SYT14: variants seen among roughly 807,000 people sequenced by gnomAD.
The protein encoded by SYT14 is synaptotagmin 14.
SYT14 carries 32 observed loss-of-function variants against 74.2 expected under a neutral mutation model. The ratio of observed to expected loss-of-function variants is 0.43; its 90% CI spans 0.33 to 0.58. SYT14 has a LOEUF of 0.58. Ranked by LOEUF, SYT14 falls within the 20% of genes least tolerant of loss-of-function variation. The probability of loss-of-function intolerance (pLI) is 0.05; values close to 1 mark genes in which losing one functional copy is unlikely to be tolerated. For synonymous variants in SYT14, 298 were observed against 337.7 expected, an observed-to-expected ratio of 0.88 and a Z score of 1.29; for missense variants, 791 against 981.8, an observed-to-expected ratio of 0.81 and a Z score of 2.60.
chr1:210,133,830 C>A, intron 7 of SYT14, among the ~76,000 whole-genome samples: 1 of 136,582 alleles, frequency 7.3e-6, no homozygotes, highest in East Asian at 2.1e-4. Flanking sequence ...AGCTGATTAT[C>A]TTATTTACTC....
chr1:210,086,587 A>C (rs1020402454), intron 5 of SYT14, among the ~76,000 whole-genome samples: 4 of 152,180 alleles, frequency 2.6e-5, no homozygotes, highest in Non-Finnish European at 5.9e-5. Context: ...CTCACCCTGG[A>C]ATTAGCCATT....
chr1:210,093,741 G>A (rs1192768545), intron 5 of SYT14, among the ~76,000 whole-genome samples: 2 of 152,110 alleles, frequency 1.3e-5, no homozygotes, highest in South Asian at 2.1e-4. Context: ...ATGGATGTTC[G>A]CAAACAGGGA....
chr1:210,077,528 A>G (rs896410417), intron 5 of SYT14, among the ~76,000 whole-genome samples: 1 of 152,232 alleles, frequency 6.6e-6, no homozygotes, highest in Middle Eastern at 3.2e-3. Context: ...TTTGGCTACT[A>G]TATGAGTAAT....
intron 5 of SYT14, among the ~76,000 whole-genome samples, chr1:210,089,915 A>G (rs1215407068): frequency 6.6e-6 from 1 of 152,198 alleles, no homozygotes; most frequent in African/African-American, 2.4e-5. Flanking sequence ...TGGCTACAGA[A>G]TTTTCTGGGA....
chr1:209,966,128 G>A (rs969646645), intron 2 of SYT14: 7 of 339,336 alleles, frequency 2.1e-5, no homozygotes, highest in South Asian at 9.3e-5. Flanking sequence ...CCTCAACCTC[G>A]CAAAGTGCTG....
At chr1:209,996,678 C>G (rs1234721218) in intron 2 of SYT14, among the ~76,000 whole-genome samples, 1 of 152,058 alleles carries the variant, frequency 6.6e-6, no homozygotes, top group Non-Finnish European at 1.5e-5. Flanking sequence ...AGGCCAGTAT[C>G]CTGAACATAT....
intron 7 of SYT14, among the ~76,000 whole-genome samples, chr1:210,129,669 T>C (rs2082635596): frequency 6.6e-6 from 1 of 152,210 alleles, no homozygotes; most frequent in South Asian, 2.1e-4. Context: ...TTTTAATCAG[T>C]TTGATGCTGC....
intron 2 of SYT14, among the ~76,000 whole-genome samples, chr1:209,982,922 T>G (rs896216595): frequency 2.6e-5 from 4 of 152,236 alleles, no homozygotes; most frequent in African/African-American, 9.6e-5. Flanking sequence ...TCTGTTGTCT[T>G]AATTTGCATT....
chr1:210,152,884 GT>G lies in SYT14; in HGVS notation c.2035-2829del, dbSNP rs552822691. On this transcript the variant is annotated intron_variant, in intron 7 of 9. Coordinates refer to ENST00000637265, the Ensembl canonical transcript of SYT14. ...TTTGGGTTGTTTGATTTTTTTGTTT[GT>G]TTTTTTTACTTTACATAAATGGAAT... 1.0e-3 allele frequency among the ~76,000 whole-genome samples: 152 copies of G among 151,590 alleles called. No individual in the cohort carries two copies. In the Middle Eastern group the frequency reaches 0.01, roughly 10 times the overall value.
At chr1:210,128,838 C>CATA (rs1328844551) in intron 7 of SYT14, among the ~76,000 whole-genome samples, 2 of 152,162 alleles carry the variant, frequency 1.3e-5, no homozygotes, top group African/African-American at 4.8e-5. Flanking sequence ...ACCACTGATA[C>CATA]ATAAATTGTT....
intron 1 of SYT14, among the ~76,000 whole-genome samples, chr1:209,943,046 C>G (rs562100012): frequency 6.6e-6 from 1 of 152,120 alleles, no homozygotes; most frequent in East Asian, 1.9e-4. Flanking sequence ...TCTTTTGGCT[C>G]TAAGATTTCT....
At chr1:210,101,479 A>G (rs185160488) in intron 7 of SYT14, among the ~76,000 whole-genome samples, 227 of 152,266 alleles carry the variant, frequency 1.5e-3, no homozygotes, top group Admixed American at 4.1e-3. Context: ...ACACCATACC[A>G]GTTTAACTAA....
chr1:210,079,344 C>T (rs2081576310), intron 5 of SYT14, among the ~76,000 whole-genome samples: 1 of 151,858 alleles, frequency 6.6e-6, no homozygotes, highest in South Asian at 2.1e-4. Context: ...TAATTGTTAC[C>T]GTTATATCCA....
At chr1:210,061,712 T>C (rs1191399436) in intron 5 of SYT14, among the ~76,000 whole-genome samples, 1 of 151,942 alleles carries the variant, frequency 6.6e-6, no homozygotes, top group Non-Finnish European at 1.5e-5. Context: ...TAAATGAAAC[T>C]AACTTTACTG....
At chr1:210,154,406 C>A (rs2083228428) in intron 7 of SYT14, among the ~76,000 whole-genome samples, 1 of 152,124 alleles carries the variant, frequency 6.6e-6, no homozygotes, top group East Asian at 1.9e-4. Flanking sequence ...ACATCCTGTC[C>A]ATGGAAAAAT....
In SYT14 at chr1:210,040,604, A is replaced by G. The variant is rs193057889; in HGVS notation, c.1312+19350A>G. 3.1e-3 allele frequency among the ~76,000 whole-genome samples: 466 copies of G among 152,324 alleles called. 1 individual carries two copies. The highest frequency in any genetic ancestry group is 0.011 in the African/African-American group (444 of 41,572). On this transcript the variant is annotated intron_variant, in intron 5 of 9. Transcript: ENST00000637265. ...TACATGTTACATTGTCCTTATAAAT[A>G]AATGGACGTAGGATCAGACTTTAAA...
chr1:210,007,769 G>C (rs1191484341), intron 2 of SYT14, among the ~76,000 whole-genome samples: 1 of 152,168 alleles, frequency 6.6e-6, no homozygotes, highest in Non-Finnish European at 1.5e-5. Context: ...TCTGGAGTCA[G>C]AATGTCTGGA....
At chr1:210,051,183 A>T (rs927296459) in intron 5 of SYT14, among the ~76,000 whole-genome samples, 6 of 152,230 alleles carry the variant, frequency 3.9e-5, no homozygotes, top group African/African-American at 1.4e-4. Context: ...CAGTCCTACG[A>T]TACATATAAA....
At chr1:210,037,253 T>C (rs180725966) in intron 5 of SYT14, among the ~76,000 whole-genome samples, 230 of 152,084 alleles carry the variant, frequency 1.5e-3, no homozygotes, top group African/African-American at 5.2e-3. Context: ...ATCCTTTGCA[T>C]TTCTGTGGTA....
Sources: gnomAD v4.1 joint callset for allele counts (sites outside exome capture counted in the v4.1 genomes callset) on GRCh38, gnomAD v4.1.1 for gene constraint, MANE v1.5 for transcripts, NCBI Gene and HGNC (gene_info 2026-07-23, HGNC 2026-07-21) for gene names.